TNRC6B: variants seen among roughly 807,000 people sequenced by gnomAD.
TNRC6B encodes the protein trinucleotide repeat-containing gene 6B protein.
Under a neutral mutation model 203.6 loss-of-function variants are expected in TNRC6B, and 52 were observed. The ratio of observed to expected loss-of-function variants is 0.26; its 90% CI spans 0.20 to 0.32. TNRC6B has a LOEUF of 0.32. Ranked by LOEUF, TNRC6B falls within the 10% of genes least tolerant of loss-of-function variation. The probability of loss-of-function intolerance (pLI) is 1.00; values close to 1 mark genes in which losing one functional copy is unlikely to be tolerated. For synonymous variants in TNRC6B, 838 were observed against 845.7 expected (o/e 0.99, Z 0.16); for missense variants, 1,923 against 2,286.2 (o/e 0.84, Z 3.24).
chr22:40,045,118 T>TGAGCGGAGGCGCGGC (rs1342097252), intron 1 of TNRC6B: 10 of 139,756 alleles, frequency 7.2e-5, no homozygotes, highest in African/African-American at 2.6e-4. Context: ...CCCGGGGCGG[T>TGAGCGGAGGCGCGGC]GAGCGGAGGC....
chr22:40,282,688 C>T (rs1236203663), intron 11 of TNRC6B, among the ~76,000 whole-genome samples: 1 of 152,052 alleles, frequency 6.6e-6, no homozygotes, highest in Non-Finnish European at 1.5e-5. Context: ...CTGTAGATTG[C>T]TACAAAGTCC....
intron 12 of TNRC6B, among the ~76,000 whole-genome samples, chr22:40,292,193 C>CAA (rs5845454): frequency 2.7e-5 from 4 of 149,752 alleles, no homozygotes; most frequent in Non-Finnish European, 4.5e-5. Flanking sequence ...GACTCCGTCT[C>CAA]AAAAAAAAAG....
intron 4 of TNRC6B, among the ~76,000 whole-genome samples, chr22:40,263,396 A>G (rs1319634302): frequency 6.6e-6 from 1 of 152,178 alleles, no homozygotes; most frequent in African/African-American, 2.4e-5. Flanking sequence ...TGGCTCTCCA[A>G]ACCAGCTGCA....
In TNRC6B at chr22:40,324,772, C is replaced by G. The variant is rs983877964; in HGVS notation, c.*1531C>G. 3.9e-5 allele frequency: 6 copies of G among 152,402 alleles called. No homozygotes were observed. Among genetic ancestry groups the G allele is most frequent in the Admixed American group, 3.9e-4 (6 of 15,264 alleles). The allele number at this position is 152,402 out of a possible 1,614,324, so 9.4% of individuals were successfully genotyped here. On this transcript the variant is annotated 3_prime_UTR_variant, in exon 23 of 23. Coordinates refer to ENST00000454349, the MANE Select transcript of TNRC6B (RefSeq NM_001162501.2). ...TTTTGCTTAGGCAGGTATAACTTAG[C>G]GAAGACTTTTAAGTATTGCACCTTT...
Position 40,335,057 on chromosome 22 carries a change from G to A in TNRC6B, c.*11816G>A, listed in dbSNP as rs949667495. 2.0e-5 allele frequency: 3 copies of A among 150,632 alleles called. No individual in the cohort carries two copies. Among genetic ancestry groups the A allele is most frequent in the Non-Finnish European group, 4.4e-5 (3 of 67,814 alleles). The allele number at this position is 150,632 out of a possible 1,614,324, so 9.3% of individuals were successfully genotyped here. A position where few individuals can be genotyped will look rare whatever the true frequency, so the allele number is the denominator to read the frequency against. The stretch of plus-strand genomic sequence containing the variant: ...TTCTTATACTTGAAGTTGCTTTTAC[G>A]ATATTATTTTGGTGGCTTTCTTTTC... On this transcript the variant is annotated 3_prime_UTR_variant, in exon 23 of 23. Coordinates refer to ENST00000454349, the MANE Select transcript of TNRC6B (RefSeq NM_001162501.2).
intron 1 of TNRC6B, among the ~76,000 whole-genome samples, chr22:40,191,904 C>T (rs1305233124): frequency 2.6e-5 from 4 of 152,228 alleles, no homozygotes; most frequent in Non-Finnish European, 5.9e-5. Context: ...GCATGCACCA[C>T]CATGCCCAGC....
At position 40,280,143 on chromosome 22, in the gene TNRC6B, G is replaced by A. The variant is rs1185756444; in HGVS notation, c.3411G>A (p.Lys1137=). Residue 1137 remains lysine, a splice_region_variant and synonymous_variant, in exon 10 of 23, where the codon AAG becomes AAA. Coordinates refer to ENST00000454349, the MANE Select transcript of TNRC6B (RefSeq NM_001162501.2). The part of the protein sequence containing the change: ...GTTDSGPYFE[K]LTLPFSNQDG... ...CAGATAGTGGGCCTTATTTTGAGAA[G>A]GTGAGTTGAATCCTTTGTTTAAGAT... 6.2e-7 allele frequency: 1 copy of A among 1,611,450 alleles called. No individual in the cohort carries two copies. The highest frequency in any genetic ancestry group is 8.5e-7 in the Non-Finnish European group (1 of 1,178,452).
intron 12 of TNRC6B, among the ~76,000 whole-genome samples, chr22:40,292,188 C>T (rs985568605): frequency 7.2e-6 from 1 of 138,104 alleles, no homozygotes; most frequent in East Asian, 2.3e-4. Context: ...AGCAAGACTC[C>T]GTCTCAAAAA....
At chr22:40,254,663 A>G (rs866278497) in intron 3 of TNRC6B, among the ~76,000 whole-genome samples, 25 of 152,334 alleles carry the variant, frequency 1.6e-4, no homozygotes, top group African/African-American at 5.8e-4. Flanking sequence ...CGAGGTGGGC[A>G]GATCACAAGG....
intron 4 of TNRC6B, among the ~76,000 whole-genome samples, chr22:40,168,364 G>C (rs1219974766): frequency 6.6e-6 from 1 of 152,190 alleles, no homozygotes; most frequent in Admixed American, 6.5e-5. Context: ...CCAATTAAGT[G>C]GTTAATCATA....
chr22:40,173,793 ATTTTTTTTT>A (rs1160322782), upstream of TNRC6B, among the ~76,000 whole-genome samples: 35 of 64,880 alleles, frequency 5.4e-4, no homozygotes, highest in African/African-American at 1.9e-3. Flanking sequence ...ATATATATAT[ATTTTTTTTT>A]TTTTTTTTTT....
intron 4 of TNRC6B, among the ~76,000 whole-genome samples, chr22:40,162,201 A>G (rs1156850450): frequency 6.6e-6 from 1 of 152,084 alleles, no homozygotes; most frequent in Non-Finnish European, 1.5e-5. Flanking sequence ...GGTTCAAGCC[A>G]TTCTGCCCCA....
chr22:40,309,181 G>C (rs947712906), intron 16 of TNRC6B, among the ~76,000 whole-genome samples: 1 of 152,198 alleles, frequency 6.6e-6, no homozygotes, highest in Non-Finnish European at 1.5e-5. Context: ...GATGTTGGTC[G>C]GCTTTTCCTC....
chr22:40,129,126 A>C (rs1014537814), intron 3 of TNRC6B, among the ~76,000 whole-genome samples: 1 of 152,122 alleles, frequency 6.6e-6, no homozygotes, highest in African/African-American at 2.4e-5. Flanking sequence ...TAGACACAGG[A>C]AACAGCTGCA....
At chr22:40,116,738 G>A (rs5995814) in intron 1 of TNRC6B, among the ~76,000 whole-genome samples, 15,119 of 152,198 alleles carry the variant, frequency 0.099, 2,465 homozygotes, top group African/African-American at 0.34. Flanking sequence ...ACCTGGGTAG[G>A]GGGTGATGCC....
intron 4 of TNRC6B, among the ~76,000 whole-genome samples, chr22:40,161,315 G>A (rs1303182134): frequency 6.6e-6 from 1 of 152,134 alleles, no homozygotes; most frequent in East Asian, 1.9e-4. Flanking sequence ...TTTTCCAAAT[G>A]GTTCTCATTC....
At chr22:40,169,382 G>T (rs1272498294) in intron 4 of TNRC6B, among the ~76,000 whole-genome samples, 1 of 151,808 alleles carries the variant, frequency 6.6e-6, no homozygotes, top group Non-Finnish European at 1.5e-5. Flanking sequence ...CACCCACCTC[G>T]GCCTTCCAAA....
intron 4 of TNRC6B, chr22:40,156,288 T>G: frequency 8.9e-7 from 1 of 1,122,668 alleles, no homozygotes; most frequent in Non-Finnish European, 1.3e-6. Context: ...GTTGGAGACA[T>G]TGGGGAACTC....
intron 1 of TNRC6B, among the ~76,000 whole-genome samples, chr22:40,116,040 G>A (rs1275082605): frequency 6.6e-6 from 1 of 152,188 alleles, no homozygotes; most frequent in Non-Finnish European, 1.5e-5. Context: ...CAAATAGAGG[G>A]GACGACAGAT....
Sources: allele counts gnomAD v4.1 joint callset (sites outside exome capture counted in the v4.1 genomes callset), GRCh38; gene constraint gnomAD v4.1.1; transcripts MANE v1.5; gene names NCBI Gene and HGNC (gene_info 2026-07-23, HGNC 2026-07-21).